DLGAP2: variants seen among roughly 807,000 people sequenced by gnomAD.
DLGAP2 encodes the protein disks large-associated protein 2.
DLGAP2 carries 26 observed loss-of-function variants against 100.3 expected under a neutral mutation model. The ratio of observed to expected loss-of-function variants is 0.26; its 90% CI spans 0.19 to 0.36. The LOEUF (loss-of-function observed/expected upper bound fraction) is 0.36, where lower values mean the gene tolerates loss of function less well. Ranked by LOEUF, DLGAP2 falls within the 10% of genes least tolerant of loss-of-function variation. The pLI is 1.00. For missense variants in DLGAP2, 1,858 were observed against 1,453.2 expected (o/e 1.28, Z -4.53); for synonymous variants, 886 against 630.1 (o/e 1.41, Z -6.08).
chr8:1,266,184 A>G (rs1799446730), intron 3 of DLGAP2, among the ~76,000 whole-genome samples: 1 of 152,242 alleles, frequency 6.6e-6, no homozygotes, highest in Admixed American at 6.5e-5. Context: ...GACGCTGTCT[A>G]CTATCTGCGA....
intron 5 of DLGAP2, among the ~76,000 whole-genome samples, chr8:1,564,451 T>C (rs904878925): frequency 6.6e-6 from 1 of 152,148 alleles, no homozygotes; most frequent in Non-Finnish European, 1.5e-5. Context: ...TTATGGGTGA[T>C]ATATAAAATG....
chr8:1,607,618 A>G (rs1045311843), intron 6 of DLGAP2, among the ~76,000 whole-genome samples: 3 of 152,200 alleles, frequency 2.0e-5, no homozygotes, highest in Non-Finnish European at 2.9e-5. Context: ...CTGCATTTCC[A>G]TCTGAGGTAC....
At chr8:1,101,584 C>G (rs955695120) in intron 2 of DLGAP2, among the ~76,000 whole-genome samples, 2 of 152,028 alleles carry the variant, frequency 1.3e-5, no homozygotes, top group African/African-American at 4.8e-5. Flanking sequence ...TGGAAGAGTT[C>G]CGGAGATGGT....
chr8:1,174,175 G>A (rs181548531), intron 2 of DLGAP2, among the ~76,000 whole-genome samples: 2 of 152,138 alleles, frequency 1.3e-5, no homozygotes, highest in African/African-American at 2.4e-5. Context: ...TAGGAATTAG[G>A]TACATTTTCC....
chr8:1,219,069 C>G (rs763420009), intron 2 of DLGAP2, among the ~76,000 whole-genome samples: 1 of 152,128 alleles, frequency 6.6e-6, no homozygotes, highest in Non-Finnish European at 1.5e-5. Flanking sequence ...AGTCTAAAGA[C>G]AGGTAGTTTG....
chr8:1,160,233 C>T (rs1796864056), intron 2 of DLGAP2, among the ~76,000 whole-genome samples: 1 of 152,200 alleles, frequency 6.6e-6, no homozygotes, highest in Non-Finnish European at 1.5e-5. Flanking sequence ...CACAGTTTTT[C>T]AGCTGGGTGG....
intron 1 of DLGAP2, among the ~76,000 whole-genome samples, chr8:867,423 T>G (rs1000369187): frequency 2.0e-5 from 3 of 152,234 alleles, no homozygotes; most frequent in Non-Finnish European, 4.4e-5. Context: ...AGACAGAAGG[T>G]CCTTCAGAGG....
chr8:1,226,879 G>A (rs779886746), intron 2 of DLGAP2, among the ~76,000 whole-genome samples: 1 of 151,986 alleles, frequency 6.6e-6, no homozygotes, highest in Admixed American at 6.6e-5. Context: ...AAATGTTAGT[G>A]CAGAGAAAAG....
In DLGAP2 at chr8:1,095,559, C is replaced by T. The variant is rs1445942848; in HGVS notation, c.74-163292C>T. Among the ~76,000 whole-genome samples the T allele has an allele frequency of 3.3e-5, 5 of 152,154 alleles. No homozygotes were observed. The East Asian group carries it at 9.7e-4, about 29-fold the overall frequency. Reference sequence around the variant, plus strand: ...GATTTTAGTAATGGGTTAGCAGTGTCCACCGTCAACACTGTTGTGAGGCTT... The same window carrying T: ...GATTTTAGTAATGGGTTAGCAGTGTTCACCGTCAACACTGTTGTGAGGCTT... On this transcript the variant is annotated intron_variant, in intron 2 of 14. Coordinates refer to ENST00000637795, the MANE Select transcript of DLGAP2 (RefSeq NM_001346810.2).
At chr8:1,322,540 G>T (rs1800928517) in intron 3 of DLGAP2, among the ~76,000 whole-genome samples, 1 of 151,884 alleles carries the variant, frequency 6.6e-6, no homozygotes, top group African/African-American at 2.4e-5. Flanking sequence ...CACCCACCCA[G>T]CGTGCTGCAT....
intron 5 of DLGAP2, among the ~76,000 whole-genome samples, chr8:1,561,074 T>G (rs1802141514): frequency 6.6e-6 from 1 of 152,180 alleles, no homozygotes. Flanking sequence ...TGTGCTGTTT[T>G]CATGATGGTG....
chr8:1,475,025 A>G (rs1282693255), intron 3 of DLGAP2, among the ~76,000 whole-genome samples: 1 of 152,224 alleles, frequency 6.6e-6, no homozygotes, highest in African/African-American at 2.4e-5. Context: ...TATAGTGCAT[A>G]CACACCATGG....
At chr8:1,294,905 C>G (rs1054776656) in intron 3 of DLGAP2, among the ~76,000 whole-genome samples, 2 of 149,366 alleles carry the variant, frequency 1.3e-5, no homozygotes, top group Non-Finnish European at 1.5e-5. Flanking sequence ...TTTTAAGTTA[C>G]TAATTTTGTT....
intron 3 of DLGAP2, among the ~76,000 whole-genome samples, chr8:1,278,313 A>T (rs1317428783): frequency 6.6e-6 from 1 of 152,242 alleles, no homozygotes; most frequent in Non-Finnish European, 1.5e-5. Context: ...AGAATTAGAC[A>T]GCATGGTCCT....
chr8:1,017,916 C>A (rs1030221858), intron 2 of DLGAP2, among the ~76,000 whole-genome samples: 5 of 152,238 alleles, frequency 3.3e-5, no homozygotes, highest in African/African-American at 1.2e-4. Flanking sequence ...TGATTGGACA[C>A]AGCCACACCT....
chr8:1,040,510 G>A (rs1281844522), intron 2 of DLGAP2, among the ~76,000 whole-genome samples: 1 of 149,204 alleles, frequency 6.7e-6, no homozygotes, highest in African/African-American at 2.5e-5. Context: ...CGGTGTGCGT[G>A]GTTGGCTCGG....
Position 1,704,119 on chromosome 8 carries a change from T to G in DLGAP2, c.*2713T>G, listed in dbSNP as rs1799643169. ...AAACTGTTTATGATACTTGTGTTAG[T>G]CACTCGAGCTAGCTTATTTCAGCCA... is the stretch of plus-strand genomic sequence containing the variant. On this transcript the variant is annotated 3_prime_UTR_variant, in exon 15 of 15. Transcript: ENST00000637795. 6.6e-6 allele frequency: 1 copy of G among 152,650 alleles called. No homozygotes were observed. Among genetic ancestry groups the G allele is most frequent in the Non-Finnish European group, 1.5e-5 (1 of 68,042 alleles). The allele number at this position is 152,650 out of a possible 1,614,324, so 9.5% of individuals were successfully genotyped here.
chr8:828,387 C>T (rs1419226198), intron 1 of DLGAP2, among the ~76,000 whole-genome samples: 2 of 152,180 alleles, frequency 1.3e-5, no homozygotes, highest in Non-Finnish European at 2.9e-5. Context: ...ACCTTCCATG[C>T]TGAGAAAAGG....
chr8:1,489,541 C>G (rs1041643650), intron 3 of DLGAP2, among the ~76,000 whole-genome samples: 2 of 152,192 alleles, frequency 1.3e-5, no homozygotes, highest in African/African-American at 2.4e-5. Flanking sequence ...CAGATACTGT[C>G]TTTTCCAAAG....
Sources: allele counts gnomAD v4.1 joint callset (sites outside exome capture counted in the v4.1 genomes callset), GRCh38; gene constraint gnomAD v4.1.1; transcripts MANE v1.5; gene names NCBI Gene and HGNC (gene_info 2026-07-23, HGNC 2026-07-21).